Variants in ARAP2 observed in about 807,000 individuals in gnomAD.
The protein encoded by ARAP2 is ArfGAP with RhoGAP domain, ankyrin repeat and PH domain 2.
ARAP2 carries 148 observed loss-of-function variants against 194.5 expected under a neutral mutation model. The ratio of observed to expected loss-of-function variants is 0.76; its 90% CI spans 0.67 to 0.87. The LOEUF (loss-of-function observed/expected upper bound fraction) is 0.87, where lower values mean the gene tolerates loss of function less well. ARAP2 is among the 40% of genes least tolerant of loss of function. ARAP2 has a pLI of 0.00. For synonymous variants in ARAP2, 695 were observed against 683.5 expected, an observed-to-expected ratio of 1.02 and a Z score of -0.26; for missense variants, 2,128 against 1,989.7, an observed-to-expected ratio of 1.07 and a Z score of -1.32.
chr4:36,022,056 T>C (rs898243976), intron 5 of ARAP2, among the ~76,000 whole-genome samples: 6 of 152,300 alleles, frequency 3.9e-5, no homozygotes, highest in Middle Eastern at 3.4e-3. Flanking sequence ...CGTAAGTGTT[T>C]GTGTATCTAA....
chr4:36,036,820 A>G (rs1720014853), intron 5 of ARAP2, among the ~76,000 whole-genome samples: 1 of 152,116 alleles, frequency 6.6e-6, no homozygotes, highest in Admixed American at 6.6e-5. Flanking sequence ...AGATCCTTTC[A>G]TCATTGAGAA....
Position 36,151,032 on chromosome 4 carries a change from T to C in ARAP2, c.2765A>G (p.Lys922Arg), listed in dbSNP as rs367555134. 2 of 1,594,776 alleles carry C rather than the reference T, an allele frequency of 1.3e-6. No homozygotes were observed. Among genetic ancestry groups the C allele is most frequent in the African/African-American group, 1.4e-5 (1 of 73,810 alleles). The change falls in exon 16 of 33, where the codon AAA (lysine) becomes AGA (arginine). Residue 922 changes from lysine (K) to arginine (R), a missense_variant. By Grantham distance (26) the Lys-to-Arg change is conservative. Transcript: ENST00000303965. ...GAAGCCTCCTTCCAAAACACACCAT[T>C]TTTTATTTGTCTCTAAGAATTTGAA... ...EKKLLEETNK[K>R]WCVLEGGFLS...
intron 8 of ARAP2, among the ~76,000 whole-genome samples, chr4:36,013,542 T>A (rs1177163746): frequency 2.6e-5 from 4 of 152,120 alleles, no homozygotes; most frequent in Non-Finnish European, 5.9e-5. Flanking sequence ...GCACGTGAGA[T>A]TTTACATTAC....
chr4:36,229,130 C>T lies in ARAP2; in HGVS notation c.357G>A (p.Gln119=), dbSNP rs766946280. ...CAAGATTTTTTCTAACAGTCTCCAA[C>T]TGCGGTGGGCTAGATGTCTGAACAC... is the stretch of plus-strand genomic sequence containing the variant. The part of the protein sequence containing the change: ...SGSVQTSSPP[Q]LETVRKNLED... The change falls in exon 2 of 33, where the codon CAG becomes CAA. Residue 119 remains glutamine (Q), a synonymous_variant. Transcript: ENST00000303965. 5.0e-6 allele frequency: 8 copies of T among 1,614,082 alleles called. No homozygotes were observed. Among genetic ancestry groups the T allele is most frequent in the Non-Finnish European group, 6.8e-6 (8 of 1,179,990 alleles).
chr4:36,150,913 A>G lies in ARAP2; in HGVS notation c.2884T>C (p.Tyr962His), dbSNP rs139661928. 4.8e-5 allele frequency: 78 copies of G among 1,612,356 alleles called. No homozygotes were observed. The highest frequency in any genetic ancestry group is 6.6e-5 in the Non-Finnish European group (78 of 1,179,354). The change falls in exon 16 of 33, where the codon TAT (tyrosine) becomes CAT (histidine). Residue 962 changes from tyrosine to histidine, a missense_variant. Transcript: ENST00000303965. ...TGACAGACCTACCCAGTATTTAAAT[A>G]GAAGTCCTCTTTGTGTATAGCCAGG... ...ICLAIHKEDFYLNTGPIFIFE... is the reference protein window; with the variant it reads ...ICLAIHKEDFHLNTGPIFIFE...
chr4:36,099,815 G>A lies in ARAP2; in HGVS notation c.4285+7750C>T, dbSNP rs78258390. Among the ~76,000 whole-genome samples, 735 of 152,136 alleles carry A rather than the reference G, an allele frequency of 4.8e-3. 6 individuals carry two copies. The highest frequency in any genetic ancestry group is 0.017 in the African/African-American group (699 of 41,540). On this transcript the variant is annotated intron_variant, in intron 27 of 32. Transcript: ENST00000303965. ...AGAATACATACAGTACTTACCCAGT[G>A]GATGTGGTATATAAATTGCTCAGAA...
At chr4:36,033,874 A>AT in intron 5 of ARAP2, among the ~76,000 whole-genome samples, 1 of 151,950 alleles carries the variant, frequency 6.6e-6, no homozygotes, top group African/African-American at 2.4e-5. Context: ...ATGGCTAGCC[A>AT]TTTTTCTCAG....
At chr4:36,096,203 A>C (rs1715160605) in intron 27 of ARAP2, among the ~76,000 whole-genome samples, 1 of 151,882 alleles carries the variant, frequency 6.6e-6, no homozygotes, top group South Asian at 2.1e-4. Flanking sequence ...ATCTCTACTA[A>C]AAATACAAAA....
intron 24 of ARAP2, among the ~76,000 whole-genome samples, chr4:36,117,722 T>C (rs1306914811): frequency 6.6e-6 from 1 of 151,604 alleles, no homozygotes; most frequent in African/African-American, 2.4e-5. Context: ...ATTCATGGAA[T>C]ATGGCAGACA....
At chr4:36,109,251 T>C (rs1316477300) in intron 26 of ARAP2, among the ~76,000 whole-genome samples, 1 of 151,886 alleles carries the variant, frequency 6.6e-6, no homozygotes, top group Non-Finnish European at 1.5e-5. Flanking sequence ...TCTGTGCTTA[T>C]TGGAGCAAGC....
Position 36,210,504 on chromosome 4 carries a change from C to T in ARAP2, c.1373G>A (p.Gly458Glu). ...AGAAACGGCTGATGAATCAGCATTT[C>T]CACTTGTTGAGCTTAACGGATAACT... The part of the protein sequence containing the change: ...RHSYPLSSTS[G>E]NADSSAVSSQ... Residue 458 changes from glycine (G) to glutamate (E), a missense_variant, in exon 6 of 33, where the codon GGA (glycine) becomes GAA (glutamate). Coordinates refer to ENST00000303965, the MANE Select transcript of ARAP2 (RefSeq NM_015230.4). The T allele has an allele frequency of 6.2e-7, 1 of 1,613,878 alleles. No homozygotes were observed. The highest frequency in any genetic ancestry group is 8.5e-7 in the Non-Finnish European group (1 of 1,179,838).
intron 28 of ARAP2, among the ~76,000 whole-genome samples, chr4:36,085,445 T>C (rs1300884427): frequency 6.6e-6 from 1 of 152,118 alleles, no homozygotes; most frequent in Non-Finnish European, 1.5e-5. Context: ...CCCCAATTTA[T>C]GGAGCAAACA....
chr4:36,072,473 C>T (rs1727217034), intron 32 of ARAP2, among the ~76,000 whole-genome samples: 1 of 151,936 alleles, frequency 6.6e-6, no homozygotes, highest in Admixed American at 6.6e-5. Flanking sequence ...ATTTATTTTG[C>T]TTTGCCGATA....
intron 30 of ARAP2, 127 bp from the exon 31 acceptor site, chr4:36,080,406 C>T (rs556852741): frequency 1.2e-5 from 8 of 690,412 alleles, no homozygotes; most frequent in Admixed American, 8.3e-5. Flanking sequence ...AATGCAATCA[C>T]AAAAGTGGAA....
intron 22 of ARAP2, among the ~76,000 whole-genome samples, chr4:36,122,827 A>T (rs1343050852): frequency 6.6e-6 from 1 of 151,816 alleles, no homozygotes; most frequent in Non-Finnish European, 1.5e-5. Flanking sequence ...ATTGCTAAAA[A>T]TGTAACAGAC....
Position 36,119,718 on chromosome 4 carries a change from C to T in ARAP2, c.3895G>A (p.Val1299Ile), listed in dbSNP as rs1722232642. 1.3e-6 allele frequency: 2 copies of T among 1,591,234 alleles called. No individual in the cohort carries two copies. Among genetic ancestry groups the T allele is most frequent in the Non-Finnish European group, 1.7e-6 (2 of 1,162,354 alleles). ...ATTTGTTTGACTTGATCTTCTTTAA[C>T]CTGTTTAAAATATAATTCGGGACAT... Reference protein sequence around the residue: ...LINNYVEIFEVKEDQVKQMDI... With the variant: ...LINNYVEIFEIKEDQVKQMDI... Residue 1299 changes from valine to isoleucine, a missense_variant and splice_region_variant, in exon 24 of 33, where the codon GTT (valine) becomes ATT (isoleucine). Val to Ile is a conservative substitution (Grantham distance 29). Coordinates refer to ENST00000303965, the MANE Select transcript of ARAP2 (RefSeq NM_015230.4).
At chr4:36,156,278 A>G (rs1458898539) in intron 15 of ARAP2, among the ~76,000 whole-genome samples, 2 of 143,726 alleles carry the variant, frequency 1.4e-5, no homozygotes, top group Non-Finnish European at 3.0e-5. Flanking sequence ...CAAGAGAAAG[A>G]AAAAGGAAGG....
chr4:36,015,824 T>C (rs1320727628), intron 7 of ARAP2: 2 of 152,218 alleles, frequency 1.3e-5, no homozygotes, highest in African/African-American at 4.8e-5. Context: ...ATGGCAAGAA[T>C]ATGTGAAAAT....
At chr4:36,223,739 C>T in intron 2 of ARAP2, among the ~76,000 whole-genome samples, 1 of 150,724 alleles carries the variant, frequency 6.6e-6, no homozygotes, top group Non-Finnish European at 1.5e-5. Context: ...CTCTCTCTCT[C>T]AGCCCAGGAA....
Sources: gnomAD v4.1 joint callset for allele counts (sites outside exome capture counted in the v4.1 genomes callset) on GRCh38, gnomAD v4.1.1 for gene constraint, MANE v1.5 for transcripts, NCBI Gene and HGNC (gene_info 2026-07-23, HGNC 2026-07-21) for gene names.